Variants in ATG4A observed in about 807,000 individuals in gnomAD.
The protein encoded by ATG4A is autophagy related 4A cysteine peptidase.
A neutral mutation model predicts 38.4 loss-of-function variants in ATG4A; 22 were observed. The ratio of observed to expected loss-of-function variants is 0.57; its 90% CI spans 0.41 to 0.82. The LOEUF (loss-of-function observed/expected upper bound fraction) is 0.82. Among genes scored for constraint, ATG4A ranks in the 40% least tolerant of loss-of-function variants. The pLI is 0.00. For missense variants in ATG4A, 220 were observed against 290.0 expected (o/e 0.76, Z 1.75); for synonymous variants, 86 against 100.7 (o/e 0.85, Z 0.88).
chrX:108,151,957 A>G, intron 11 of ATG4A, 99 bp downstream of exon 11: 3 of 757,969 alleles, frequency 4.0e-6, no homozygotes, highest in Non-Finnish European at 5.8e-6. Flanking sequence ...CTACTCTGAT[A>G]CGACTTTACT....
chrX:108,104,257 C>G (rs963958001), intron 1 of ATG4A, among the ~76,000 whole-genome samples: 1 of 112,466 alleles, frequency 8.9e-6, no homozygotes, highest in Non-Finnish European at 1.9e-5. Context: ...AAGATTTATG[C>G]TTTCAAGTTG....
chrX:108,091,084 G>A (rs1161787590), upstream of ATG4A, among the ~76,000 whole-genome samples: 1 of 113,557 alleles, frequency 8.8e-6, no homozygotes, highest in African/African-American at 3.2e-5. Flanking sequence ...ACTGAATACA[G>A]TTACTAGTAA....
chrX:108,099,437 T>A (rs1467185304), intron 1 of ATG4A, among the ~76,000 whole-genome samples: 2 of 111,830 alleles, frequency 1.8e-5, no homozygotes, highest in Non-Finnish European at 3.8e-5. Flanking sequence ...TCTCTTCCAG[T>A]CTGTGGCTTG....
upstream of ATG4A, among the ~76,000 whole-genome samples, chrX:108,090,289 G>T (rs1293873722): frequency 8.9e-6 from 1 of 111,963 alleles, no homozygotes; most frequent in Non-Finnish European, 1.9e-5. Flanking sequence ...CAGTTGGTTT[G>T]TTTAAATCAG....
At chrX:108,151,226 G>C (rs2033580473) in intron 10 of ATG4A, among the ~76,000 whole-genome samples, 1 of 111,659 alleles carries the variant, frequency 9.0e-6, no homozygotes, top group African/African-American at 3.3e-5. Context: ...TGGTGGTTCT[G>C]AGGCCTGTCT....
intron 4 of ATG4A, among the ~76,000 whole-genome samples, chrX:108,133,719 G>T (rs2033023136): frequency 8.9e-6 from 1 of 112,301 alleles, no homozygotes; most frequent in Admixed American, 9.5e-5. Flanking sequence ...GCCGGGCTTT[G>T]TGGTGACCTC....
At position 108,151,843 on chromosome X, in the gene ATG4A, T is replaced by C. The variant is rs1355285469; in HGVS notation, c.1002T>C (p.Cys334=). The change falls in exon 11 of 13, where the codon TGT becomes TGC. Residue 334 remains cysteine, a synonymous_variant. Coordinates refer to ENST00000372232, the MANE Select transcript of ATG4A (RefSeq NM_052936.5). ...AAGAAAAAGACTTTGATAACTGGTG[T>C]AGCCTTGTTCAGAAGGTAAAGCTAT... is the stretch of plus-strand genomic sequence containing the variant. The part of the protein sequence containing the change: ...CKEEKDFDNW[C]SLVQKEILKE... 2 of 1,206,533 alleles carry C rather than the reference T, an allele frequency of 1.7e-6. No homozygotes were observed. Among genetic ancestry groups the C allele is most frequent in the Non-Finnish European group, 2.2e-6 (2 of 891,523 alleles).
intron 9 of ATG4A, among the ~76,000 whole-genome samples, chrX:108,148,020 AATATAT>A (rs60886281): frequency 1.2e-3 from 93 of 80,005 alleles, no homozygotes; most frequent in Non-Finnish European, 1.8e-3. Context: ...ACTAATGGAA[AATATAT>A]ATATATATAT....
chrX:108,140,704 TAA>T (rs1375709572), intron 9 of ATG4A, among the ~76,000 whole-genome samples: 18 of 101,197 alleles, frequency 1.8e-4, no homozygotes, highest in African/African-American at 6.1e-4. Context: ...AATGTATATA[TAA>T]AATACATTGT....
chrX:108,111,287 G>A lies in ATG4A; in HGVS notation c.11-14790G>A, dbSNP rs142561012. Among the ~76,000 whole-genome samples, 9 of 112,157 alleles carry A rather than the reference G, an allele frequency of 8.0e-5. No homozygotes were observed. In the Admixed American group the frequency reaches 8.5e-4, roughly 11 times the overall value. On this transcript the variant is annotated intron_variant, in intron 1 of 12. Coordinates refer to ENST00000372232, the MANE Select transcript of ATG4A (RefSeq NM_052936.5). ...AATCTTGCTTTTCCAATAATTTCAGGTTACAGAACTATGATTGGGGTACTT... is the reference window on the plus strand; with the variant it reads ...AATCTTGCTTTTCCAATAATTTCAGATTACAGAACTATGATTGGGGTACTT...
chrX:108,091,938 C>T, intron 1 of ATG4A, 102 bp downstream of exon 1: 1 of 1,152,319 alleles, frequency 8.7e-7, no homozygotes, highest in East Asian at 3.1e-5. Context: ...GGGGGCAGGG[C>T]AAGAGTTATG....
At chrX:108,122,467 G>A (rs914402950) in intron 1 of ATG4A, among the ~76,000 whole-genome samples, 3 of 111,590 alleles carry the variant, frequency 2.7e-5, no homozygotes, top group Non-Finnish European at 5.6e-5. Flanking sequence ...GAGCTTTGTG[G>A]CATTAGTATT....
At chrX:108,118,664 AC>A (rs2147986246) in intron 1 of ATG4A, among the ~76,000 whole-genome samples, 1 of 110,435 alleles carries the variant, frequency 9.1e-6, no homozygotes, top group African/African-American at 3.3e-5. Flanking sequence ...CCCAGAACCT[AC>A]CCCACTCTCC....
chrX:108,127,427 AGTG>A (rs1250885054), intron 2 of ATG4A, among the ~76,000 whole-genome samples: 59 of 111,952 alleles, frequency 5.3e-4, no homozygotes, highest in African/African-American at 1.8e-3. Context: ...AAGCACTTTA[AGTG>A]TATTATCTTT....
intron 1 of ATG4A, among the ~76,000 whole-genome samples, chrX:108,116,660 G>A (rs759355760): frequency 4.5e-5 from 5 of 111,702 alleles, no homozygotes; most frequent in African/African-American, 1.6e-4. Context: ...GGGTGTATCC[G>A]AAACCCTTTA....
At chrX:108,121,476 A>G (rs995994048) in intron 1 of ATG4A, among the ~76,000 whole-genome samples, 1 of 110,709 alleles carries the variant, frequency 9.0e-6, no homozygotes, top group Non-Finnish European at 1.9e-5. Context: ...CTTGAAAACT[A>G]CAAGTTATTT....
At chrX:108,089,044 T>C (rs147343243), upstream of ATG4A, among the ~76,000 whole-genome samples, 36 of 112,453 alleles carry the variant, frequency 3.2e-4, no homozygotes, top group East Asian at 8.6e-3. Context: ...GAGAATGACA[T>C]TGATGAACAT....
At chrX:108,097,002 G>C (rs1371912949) in intron 1 of ATG4A, among the ~76,000 whole-genome samples, 1 of 111,525 alleles carries the variant, frequency 9.0e-6, no homozygotes, top group Non-Finnish European at 1.9e-5. Context: ...AACAAGCTAA[G>C]TTCATCTTCT....
At position 108,150,156 on chromosome X, in the gene ATG4A, C is replaced by T. The variant is rs767021696; in HGVS notation, c.819C>T (p.Asp273=). Residue 273 remains aspartate (D), a synonymous_variant, in exon 10 of 13, where the codon GAC becomes GAT. Coordinates refer to ENST00000372232, the MANE Select transcript of ATG4A (RefSeq NM_052936.5). ...AGCATATCTCCTTCAAAACAGGTGA[C>T]GAGCTCATCTTCTTGGACCCTCATA... ...NAYYFIGFLG[D]ELIFLDPHTT... The T allele has an allele frequency of 2.5e-5, 30 of 1,211,118 alleles. No individual in the cohort carries two copies. In the Admixed American group the frequency reaches 4.8e-4, roughly 19 times the overall value.
Sources: allele counts gnomAD v4.1 joint callset (sites outside exome capture counted in the v4.1 genomes callset), GRCh38; gene constraint gnomAD v4.1.1; transcripts MANE v1.5; gene names NCBI Gene and HGNC (gene_info 2026-07-23, HGNC 2026-07-21).